The following MBL2 variants were observed in gnomAD, a reference collection of about 807,000 sequenced individuals.
MBL2 encodes the protein mannose binding lectin 2, also known as mannose-binding protein C.
Under a neutral mutation model 12.7 loss-of-function variants are expected in MBL2, and 6 were observed. The observed-to-expected ratio is 0.47, with a 90% confidence interval of 0.26 to 0.94. The LOEUF is 0.94. Among genes scored for constraint, MBL2 ranks in the 40% least tolerant of loss-of-function variants. The pLI is 0.15. For missense variants in MBL2, 307 were observed against 295.2 expected, an observed-to-expected ratio of 1.04 and a Z score of -0.29; for synonymous variants, 114 against 112.0, an observed-to-expected ratio of 1.02 and a Z score of -0.11.
rs35668665 is a variant in MBL2, at chr10:52,772,737, T to C, written c.-10A>G. 5.3e-3 allele frequency: 5,243 copies of C among 985,216 alleles called. 130 individuals carry two copies. The East Asian group carries it at 0.063, about 12-fold the overall frequency. The allele number at this position is 985,216 out of a possible 1,614,324, so 61.0% of individuals were successfully genotyped here. A position where few individuals can be genotyped will look rare whatever the true frequency, so the allele number is the denominator to read the frequency against. ...GATTTATTCACCAGAAATGACTTAC[T>C]GGTGTTTCTGCAGAGCAGGGACTCA... On this transcript the variant is annotated splice_region_variant and 5_prime_UTR_variant, in exon 1 of 5. Coordinates refer to ENST00000674931, the MANE Select transcript of MBL2 (RefSeq NM_001378373.1).
At chr10:52,771,056 A>G (rs182708263) in intron 2 of MBL2, among the ~76,000 whole-genome samples, 10 of 152,260 alleles carry the variant, frequency 6.6e-5, no homozygotes, top group Middle Eastern at 3.4e-3. Flanking sequence ...TGTCCAGCCC[A>G]CTGCTGCTGG....
At chr10:52,770,047 G>A (rs1270042114) in intron 3 of MBL2, among the ~76,000 whole-genome samples, 1 of 152,178 alleles carries the variant, frequency 6.6e-6, no homozygotes, top group Non-Finnish European at 1.5e-5. Flanking sequence ...TGGGAATCCT[G>A]TAATCACTGC....
Position 52,768,480 on chromosome 10 carries a change from C to G in MBL2, c.404G>C (p.Gly135Ala). The change falls in exon 5 of 5, where the codon GGG becomes GCG. Residue 135 changes from glycine to alanine, a missense_variant. Coordinates refer to ENST00000674931, the MANE Select transcript of MBL2 (RefSeq NM_001378373.1). ...WLTFSLGKQV[G>A]NKFFLTNGEI... ...ACCATTGGTCAGGAAGAACTTGTTC[C>G]CAACTTGTTTGCCCAGAGAGAAGGT... 2 of 1,586,148 alleles carry G rather than the reference C, an allele frequency of 1.3e-6. No homozygotes were observed. Among genetic ancestry groups the G allele is most frequent in the Non-Finnish European group, 1.7e-6 (2 of 1,167,698 alleles).
chr10:52,766,205 A>G lies in MBL2; in HGVS notation c.*1932T>C, dbSNP rs1217294924. 1 of 152,144 alleles carries G rather than the reference A, an allele frequency of 6.6e-6. No homozygotes were observed. The highest frequency in any genetic ancestry group is 1.9e-4 in the East Asian group (1 of 5,188). 9.4% of individuals were successfully genotyped at this position (152,144 alleles called of 1,614,324 possible). A position where few individuals can be genotyped will look rare whatever the true frequency, so the allele number is the denominator to read the frequency against. ...TGGTCCCAGTAGAAACCTCATCAGG[A>G]TTTTGTAGAAATTGAGAAGCTGTTT... On this transcript the variant is annotated 3_prime_UTR_variant, in exon 5 of 5. Transcript: ENST00000674931.
chr10:52,771,353 A>C (rs1168056773), intron 2 of MBL2, 96 bp downstream of exon 2: 1 of 1,392,976 alleles, frequency 7.2e-7, no homozygotes. Context: ...ATAGTTGAGA[A>C]AAATATACTC....
chr10:52,766,148 A>G lies in MBL2; in HGVS notation c.*1989T>C, dbSNP rs1279362157. 1.1e-4 allele frequency: 16 copies of G among 152,224 alleles called. No individual in the cohort carries two copies. 9.4% of individuals were successfully genotyped at this position (152,224 alleles called of 1,614,324 possible). ...ATTAGAGATTCAGTAGTAAGTTGCC[A>G]GTTCTGCATAAGTTGATTGATAGAC... On this transcript the variant is annotated 3_prime_UTR_variant, in exon 5 of 5. Transcript: ENST00000674931.
At chr10:52,769,899 G>A (rs1367854919) in intron 3 of MBL2, among the ~76,000 whole-genome samples, 4 of 142,364 alleles carry the variant, frequency 2.8e-5, no homozygotes, top group South Asian at 2.2e-4. Flanking sequence ...ACAGCTCCTC[G>A]CATTAAGACA....
intron 3 of MBL2, 116 bp from the exon 4 acceptor site, chr10:52,769,431 A>G: frequency 1.6e-6 from 1 of 619,832 alleles, no homozygotes; most frequent in Non-Finnish European, 2.9e-6. Context: ...TTTTACATTG[A>G]TGTTTACACT....
At position 52,767,319 on chromosome 10, in the gene MBL2, A is replaced by C. The variant is rs56311691; in HGVS notation, c.*818T>G. 6.6e-6 allele frequency: 1 copy of C among 152,048 alleles called. No homozygotes were observed. Among genetic ancestry groups the C allele is most frequent in the Non-Finnish European group, 1.5e-5 (1 of 68,042 alleles). The allele number at this position is 152,048 out of a possible 1,614,324, so 9.4% of individuals were successfully genotyped here. On this transcript the variant is annotated 3_prime_UTR_variant, in exon 5 of 5. Coordinates refer to ENST00000674931, the MANE Select transcript of MBL2 (RefSeq NM_001378373.1). ...ACCCTACATGGCAATGAAAAGGATGAAACTTTTGTACACATGACATGAATG... is the reference window on the plus strand; with the variant it reads ...ACCCTACATGGCAATGAAAAGGATGCAACTTTTGTACACATGACATGAATG...
At position 52,766,689 on chromosome 10, in the gene MBL2, G is replaced by A. The variant is rs1403377181; in HGVS notation, c.*1448C>T. 1 of 151,888 alleles carries A rather than the reference G, an allele frequency of 6.6e-6. No individual in the cohort carries two copies. The highest frequency in any genetic ancestry group is 1.9e-4 in the East Asian group (1 of 5,190). 9.4% of individuals were successfully genotyped at this position (151,888 alleles called of 1,614,324 possible). ...ATAAATAAGACTTTCTCAAAATTAG[G>A]AAATTTTGTTCATCAAAATTCAACA... On this transcript the variant is annotated 3_prime_UTR_variant, in exon 5 of 5. Coordinates refer to ENST00000674931, the MANE Select transcript of MBL2 (RefSeq NM_001378373.1).
Position 52,766,312 on chromosome 10 carries a change from T to G in MBL2, c.*1825A>C, listed in dbSNP as rs1840303892. On this transcript the variant is annotated 3_prime_UTR_variant, in exon 5 of 5. Coordinates refer to ENST00000674931, the MANE Select transcript of MBL2 (RefSeq NM_001378373.1). ...AACTATAAATGTACAATAATTAAGA[T>G]AGTGTACTGTTTGACACAAGCATCA... 6.6e-6 allele frequency: 1 copy of G among 152,110 alleles called. No individual in the cohort carries two copies. The highest frequency in any genetic ancestry group is 2.1e-4 in the South Asian group (1 of 4,830). 9.4% of individuals were successfully genotyped at this position (152,110 alleles called of 1,614,324 possible). A position where few individuals can be genotyped will look rare whatever the true frequency, so the allele number is the denominator to read the frequency against.
chr10:52,771,830 G>A, intron 1 of MBL2, 186 bp from the exon 2 acceptor site: 1 of 781,592 alleles, frequency 1.3e-6, no homozygotes, highest in Non-Finnish European at 1.9e-6. Flanking sequence ...CTTTAACAAA[G>A]GTAGGCACTA....
chr10:52,765,945 A>G lies in MBL2; in HGVS notation c.*2192T>C, dbSNP rs1451949794. On this transcript the variant is annotated 3_prime_UTR_variant, in exon 5 of 5. Transcript: ENST00000674931. ...TACTAAACATCGTAAGACTACACAC[A>G]AAACTTAACTGTATTTCTGTGTACA... 6.6e-6 allele frequency: 1 copy of G among 152,236 alleles called. No homozygotes were observed. The highest frequency in any genetic ancestry group is 1.5e-5 in the Non-Finnish European group (1 of 68,044). 9.4% of individuals were successfully genotyped at this position (152,236 alleles called of 1,614,324 possible). A position where few individuals can be genotyped will look rare whatever the true frequency, so the allele number is the denominator to read the frequency against.
At chr10:52,771,676 C>G (rs762762577) in intron 1 of MBL2, 32 bp from the exon 2 acceptor site, 22 of 1,593,734 alleles carry the variant, frequency 1.4e-5, no homozygotes, top group Middle Eastern at 3.3e-4. Context: ...GAAGGTTAAT[C>G]TCAGTTAATG....
intron 3 of MBL2, 128 bp from the exon 4 acceptor site, chr10:52,769,443 T>C (rs1443939641): frequency 3.5e-6 from 2 of 577,004 alleles, no homozygotes; most frequent in Non-Finnish European, 3.1e-6. Flanking sequence ...GTTTACACTT[T>C]GAAGGAAAAT....
chr10:52,772,005 C>A (rs1481175718), intron 1 of MBL2, among the ~76,000 whole-genome samples: 1 of 148,302 alleles, frequency 6.7e-6, no homozygotes, highest in Non-Finnish European at 1.5e-5. Flanking sequence ...TGAGTGGAAA[C>A]CCAGGTGTCT....
intron 3 of MBL2, among the ~76,000 whole-genome samples, chr10:52,770,409 C>G (rs1840372959): frequency 6.6e-6 from 1 of 152,222 alleles, no homozygotes; most frequent in Non-Finnish European, 1.5e-5. Flanking sequence ...TAGACTGTTT[C>G]AGCTGATGGA....
chr10:52,769,542 G>C lies in MBL2; in HGVS notation c.305-227C>G, dbSNP rs77417556. Among the ~76,000 whole-genome samples, 990 of 152,196 alleles carry C rather than the reference G, an allele frequency of 6.5e-3. 12 individuals carry two copies. Among genetic ancestry groups the C allele is most frequent in the African/African-American group, 0.022 (929 of 41,520 alleles). ...CTTTGTCTGTTTACTGTATCCCAAA[G>C]TACGCATACATATCACATGCACACA... On this transcript the variant is annotated intron_variant, in intron 3 of 4. Transcript: ENST00000674931.
In MBL2 at chr10:52,767,344, G is replaced by A. The variant is rs1840321696; in HGVS notation, c.*793C>T. On this transcript the variant is annotated 3_prime_UTR_variant, in exon 5 of 5. Coordinates refer to ENST00000674931, the MANE Select transcript of MBL2 (RefSeq NM_001378373.1). The stretch of plus-strand genomic sequence containing the variant: ...AAACTTTTGTACACATGACATGAAT[G>A]AATCTCACAGACTTAATTCTGAGTA... 1 of 151,992 alleles carries A rather than the reference G, an allele frequency of 6.6e-6. No homozygotes were observed. The highest frequency in any genetic ancestry group is 2.1e-4 in the South Asian group (1 of 4,826). The allele number at this position is 151,992 out of a possible 1,614,324, so 9.4% of individuals were successfully genotyped here.
Sources: allele counts gnomAD v4.1 joint callset (sites outside exome capture counted in the v4.1 genomes callset), GRCh38; gene constraint gnomAD v4.1.1; transcripts MANE v1.5; gene names NCBI Gene and HGNC (gene_info 2026-07-23, HGNC 2026-07-21).